The following PHACTR2 variants were observed in gnomAD, a reference collection of about 807,000 sequenced individuals.
PHACTR2 encodes the protein chromosome 6 open reading frame 56.
PHACTR2 carries 30 observed loss-of-function variants against 76.0 expected under a neutral mutation model. The observed-to-expected ratio is 0.39, with a 90% confidence interval of 0.30 to 0.54. The LOEUF is 0.54. Ranked by LOEUF, PHACTR2 falls within the 20% of genes least tolerant of loss-of-function variation. PHACTR2 has a pLI of 0.61. For synonymous variants in PHACTR2, 292 were observed against 292.5 expected (o/e 1.00, Z 0.02); for missense variants, 696 against 781.1 (o/e 0.89, Z 1.30).
intron 1 of PHACTR2, among the ~76,000 whole-genome samples, chr6:143,587,947 T>C (rs1349527890): frequency 6.6e-6 from 1 of 151,896 alleles, no homozygotes; most frequent in Non-Finnish European, 1.5e-5. Flanking sequence ...CGGGAAGCAG[T>C]GGTTGCAGTG....
In PHACTR2 at chr6:143,738,979, T is replaced by TTC. The variant is rs1778879824; in HGVS notation, c.215-10002_215-10001dup. Among the ~76,000 whole-genome samples the TTC allele has an allele frequency of 6.6e-6, 1 of 152,346 alleles. No homozygotes were observed. The highest frequency in any genetic ancestry group is 2.1e-4 in the South Asian group (1 of 4,828). ...GTTAGAAGTTCAGGCTCTCTGGAGC[T>TTC]TCTCTTCCAATGGCTATTGTTTATG... On this transcript the variant is annotated intron_variant, in intron 2 of 12. Coordinates refer to ENST00000440869, the MANE Select transcript of PHACTR2 (RefSeq NM_001100164.2). This position sits in a 1 kb window ranked among gnomAD's most constrained non-coding sequence, Gnocchi z 4.0.
At chr6:143,724,515 C>T (rs918652450) in intron 2 of PHACTR2, among the ~76,000 whole-genome samples, 4 of 152,114 alleles carry the variant, frequency 2.6e-5, no homozygotes, top group African/African-American at 4.8e-5. Flanking sequence ...TTTCACCTTC[C>T]CTTTTAGTGG....
chr6:143,572,694 AG>A (rs1248478129), intron 1 of PHACTR2, among the ~76,000 whole-genome samples: 5 of 152,208 alleles, frequency 3.3e-5, no homozygotes, highest in African/African-American at 9.6e-5. Flanking sequence ...CTGGGATTAC[AG>A]GCACATGCCA....
At position 143,663,182 on chromosome 6, in the gene PHACTR2, T is replaced by C. The variant is rs1476330566; in HGVS notation, c.14-48834T>C. 6.6e-6 allele frequency among the ~76,000 whole-genome samples: 1 copy of C among 152,172 alleles called. No homozygotes were observed. Among genetic ancestry groups the C allele is most frequent in the Non-Finnish European group, 1.5e-5 (1 of 68,038 alleles). On this transcript the variant is annotated intron_variant, in intron 1 of 11. Coordinates refer to the PHACTR2 transcript ENST00000305766. This position sits in a 1 kb window ranked among gnomAD's most constrained non-coding sequence, Gnocchi z 4.1. Reference sequence around the variant, plus strand: ...GCACAGTGATGAACGTACGAGTGCATGTGTCTTTTTGCTATAGTGATCTAT... The same window carrying C: ...GCACAGTGATGAACGTACGAGTGCACGTGTCTTTTTGCTATAGTGATCTAT...
upstream of PHACTR2, among the ~76,000 whole-genome samples, chr6:143,605,267 T>C (rs115770384): frequency 1.3e-3 from 202 of 152,224 alleles, 2 homozygotes; most frequent in African/African-American, 4.6e-3. The surrounding 1 kb of genome is among the most constrained non-coding windows in gnomAD (Gnocchi z 5.0). Flanking sequence ...GAGTATATAC[T>C]CATGGGAAGG....
chr6:143,551,718 A>G (rs1314082841), intron 1 of PHACTR2, among the ~76,000 whole-genome samples: 1 of 152,166 alleles, frequency 6.6e-6, no homozygotes, highest in Non-Finnish European at 1.5e-5. Context: ...AATTATGAAG[A>G]TGTTGGAAAA....
rs1218118891 is a variant in PHACTR2, at chr6:143,543,594, A to G, written c.217+6387A>G. On this transcript the variant is annotated intron_variant, in intron 1 of 11. Transcript: ENST00000367584. The surrounding 1 kb of genome is among the most constrained non-coding windows in gnomAD (Gnocchi z 4.7). ...GGGCTATCTCTATGCAAAAGGAGGA[A>G]CTGAAAGATGGAGTTGGGTTGGGGA... is the stretch of plus-strand genomic sequence containing the variant. 2.0e-5 allele frequency among the ~76,000 whole-genome samples: 3 copies of G among 152,204 alleles called. No individual in the cohort carries two copies. The highest frequency in any genetic ancestry group is 7.2e-5 in the African/African-American group (3 of 41,452).
intron 1 of PHACTR2, among the ~76,000 whole-genome samples, chr6:143,629,506 A>T (rs1373350939): frequency 6.6e-6 from 1 of 152,196 alleles, no homozygotes; most frequent in Non-Finnish European, 1.5e-5. Context: ...TCCTAATGGT[A>T]CCTCTACAAA....
At position 143,738,058 on chromosome 6, in the gene PHACTR2, G is replaced by A. The variant is rs1156351494; in HGVS notation, c.215-10927G>A. On this transcript the variant is annotated intron_variant, in intron 2 of 12. Coordinates refer to ENST00000440869, the MANE Select transcript of PHACTR2 (RefSeq NM_001100164.2). The surrounding 1 kb of genome is among the most constrained non-coding windows in gnomAD (Gnocchi z 4.0). ...CTGGTTATCCCCACCTACCTGAGTTGGTGTTGTTTTAATATGTATTGTTCA... is the reference window on the plus strand; with the variant it reads ...CTGGTTATCCCCACCTACCTGAGTTAGTGTTGTTTTAATATGTATTGTTCA... Among the ~76,000 whole-genome samples, 1 of 152,180 alleles carries A rather than the reference G, an allele frequency of 6.6e-6. No homozygotes were observed. The highest frequency in any genetic ancestry group is 1.5e-5 in the Non-Finnish European group (1 of 68,014).
Position 143,599,286 on chromosome 6 carries a change from C to G in PHACTR2, c.217+62079C>G, listed in dbSNP as rs62427360. On this transcript the variant is annotated intron_variant, in intron 1 of 11. Transcript: ENST00000367584. This position sits in a 1 kb window ranked among gnomAD's most constrained non-coding sequence, Gnocchi z 4.6. ...TGTACTTTCGTAGGAGAAAACTAAA[C>G]TTTCATTAGGCTATTTAAGGAGATC... Among the ~76,000 whole-genome samples the G allele has an allele frequency of 0.085, 12,864 of 152,142 alleles. 618 individuals are homozygous for G. Among genetic ancestry groups the G allele is most frequent in the Non-Finnish European group, 0.1 (7,052 of 67,976 alleles).
rs1423119761 is a variant in PHACTR2 at position 143,710,161 on chromosome 6, G to A, written c.47-1855G>A. On this transcript the variant is annotated intron_variant, in intron 1 of 12. Transcript: ENST00000440869. The surrounding 1 kb of genome is among the most constrained non-coding windows in gnomAD (Gnocchi z 4.9). ...ACGTTTGTGGTCTGTGCCCATTGGT[G>A]TTTCTGGGTTGCTGGCTTCCATGCT... Among the ~76,000 whole-genome samples the A allele has an allele frequency of 1.3e-5, 2 of 152,136 alleles. No homozygotes were observed. The highest frequency in any genetic ancestry group is 4.8e-5 in the African/African-American group (2 of 41,434).
chr6:143,720,611 A>T (rs903813803), intron 2 of PHACTR2, among the ~76,000 whole-genome samples: 3 of 152,156 alleles, frequency 2.0e-5, no homozygotes, highest in African/African-American at 7.2e-5. Flanking sequence ...ATGGTTGTTA[A>T]TCTTTTTGTT....
intron 1 of PHACTR2, among the ~76,000 whole-genome samples, chr6:143,555,425 G>A (rs555901859): frequency 6.8e-4 from 104 of 152,204 alleles, no homozygotes; most frequent in Non-Finnish European, 5.0e-4. Flanking sequence ...TTTCACACCA[G>A]CACTGCTTCT....
At position 143,743,852 on chromosome 6, in the gene PHACTR2, CTCTT is replaced by C. The variant is rs1228714103; in HGVS notation, c.215-5130_215-5127del. ...GGTGTTAGAATTGAGAATTAGGACT[CTCTT>C]TCCTCGCCAAAGAAAAACACAAGTG... On this transcript the variant is annotated intron_variant, in intron 2 of 12. Transcript: ENST00000440869. The surrounding 1 kb of genome is among the most constrained non-coding windows in gnomAD (Gnocchi z 5.0). Among the ~76,000 whole-genome samples the C allele has an allele frequency of 2.6e-5, 4 of 152,226 alleles. No individual in the cohort carries two copies. Among genetic ancestry groups the C allele is most frequent in the Non-Finnish European group, 5.9e-5 (4 of 68,042 alleles).
chr6:143,766,614 C>T (rs1434889961), intron 6 of PHACTR2, among the ~76,000 whole-genome samples: 1 of 152,204 alleles, frequency 6.6e-6, no homozygotes, highest in Non-Finnish European at 1.5e-5. Flanking sequence ...GTCTTAGTTT[C>T]ATTTAAGAAG....
intron 1 of PHACTR2, among the ~76,000 whole-genome samples, chr6:143,551,908 G>A (rs181635149): frequency 2.1e-3 from 315 of 152,122 alleles, no homozygotes; most frequent in Non-Finnish European, 3.9e-3. Context: ...TATTGCCTTG[G>A]GTATCACTGG....
intron 1 of PHACTR2, among the ~76,000 whole-genome samples, chr6:143,636,215 A>AG (rs11455869): frequency 2.0e-5 from 1 of 49,002 alleles, no homozygotes; most frequent in Non-Finnish European, 5.8e-5. Context: ...CCTGTCTCAG[A>AG]AAAAAAAAAA....
upstream of PHACTR2, among the ~76,000 whole-genome samples, chr6:143,673,892 C>T (rs1169609521): frequency 6.6e-6 from 1 of 151,896 alleles, no homozygotes; most frequent in Non-Finnish European, 1.5e-5. Context: ...AGAAGGAAAA[C>T]TCAGGAAATA....
intron 2 of PHACTR2, among the ~76,000 whole-genome samples, chr6:143,745,729 C>T (rs1194479069): frequency 1.3e-5 from 2 of 152,214 alleles, no homozygotes; most frequent in African/African-American, 2.4e-5. Flanking sequence ...GCAGTTTGTT[C>T]TCATTGGCCC....
Sources: allele counts gnomAD v4.1 joint callset (sites outside exome capture counted in the v4.1 genomes callset), GRCh38; gene constraint gnomAD v4.1.1; non-coding constraint Gnocchi (gnomAD v3.1); transcripts MANE v1.5; gene names NCBI Gene and HGNC (gene_info 2026-07-23, HGNC 2026-07-21).